MYH3: variants seen among roughly 807,000 people sequenced by gnomAD.
MYH3 encodes the protein myosin heavy chain 3.
MYH3 carries 130 observed loss-of-function variants against 238.0 expected under a neutral mutation model. The ratio of observed to expected loss-of-function variants is 0.55; its 90% CI spans 0.47 to 0.63. The LOEUF (loss-of-function observed/expected upper bound fraction) is 0.63, where lower values mean the gene tolerates loss of function less well. Among genes scored for constraint, MYH3 ranks in the 30% least tolerant of loss-of-function variants. MYH3 has a pLI of 0.00. For missense variants in MYH3, 1,853 were observed against 2,374.9 expected (o/e 0.78, Z 4.57); for synonymous variants, 880 against 924.1 (o/e 0.95, Z 0.86).
chr17:10,635,337 GTTC>G (rs1220743898), intron 30 of MYH3, 27 bp downstream of exon 30: 1 of 1,613,968 alleles, frequency 6.2e-7, no homozygotes, highest in East Asian at 2.2e-5. Context: ...TTCCTAAGTA[GTTC>G]TTCTAAAAGC....
intron 8 of MYH3, among the ~76,000 whole-genome samples, chr17:10,648,072 G>A (rs1043623607): frequency 1.3e-5 from 2 of 152,072 alleles, no homozygotes; most frequent in African/African-American, 4.8e-5. Context: ...ACTTCAAAAG[G>A]AATCCAAACT....
chr17:10,645,032 T>C (rs1017562998), intron 12 of MYH3, among the ~76,000 whole-genome samples: 2 of 133,164 alleles, frequency 1.5e-5, no homozygotes, highest in Non-Finnish European at 3.3e-5. Context: ...GAAGGATTAA[T>C]CGCTTCCATC....
At chr17:10,643,030 T>C in intron 14 of MYH3, 34 bp from the exon 15 acceptor site, 2 of 1,614,092 alleles carry the variant, frequency 1.2e-6, no homozygotes, top group South Asian at 1.1e-5. Context: ...TGTGAAAAGT[T>C]AGACTTCTTT....
chr17:10,668,409 A>G, the MYH3 span, among the ~76,000 whole-genome samples: 1 of 152,222 alleles, frequency 6.6e-6, no homozygotes, highest in African/African-American at 2.4e-5. Flanking sequence ...CTACCTACCT[A>G]TCTTTCTATC....
the MYH3 span, among the ~76,000 whole-genome samples, chr17:10,670,966 T>G: frequency 6.6e-6 from 1 of 152,154 alleles, no homozygotes; most frequent in Non-Finnish European, 1.5e-5. This position sits in a 1 kb window ranked among gnomAD's most constrained non-coding sequence, Gnocchi z 7.0. Flanking sequence ...CTTGGCTCAC[T>G]GCAACCTCCA....
At position 10,654,914 on chromosome 17, in the gene MYH3, T is replaced by C. The variant is rs779493094; in HGVS notation, c.151A>G (p.Lys51Glu). The change falls in exon 3 of 41, where the codon AAA becomes GAA. Residue 51 changes from lysine to glutamate, a missense_variant. This residue lies in a region of MYH3 where 131 missense variants were observed against 123.5 expected (regional missense o/e 1.06). Coordinates refer to ENST00000583535, the MANE Select transcript of MYH3 (RefSeq NM_002470.4). The surrounding 1 kb of genome is among the most constrained non-coding windows in gnomAD (Gnocchi z 4.5). ...VDSKEEYAKG[K>E]IKSSQDGKVT... ...TTCCCATCCTGAGAACTCTTGATTT[T>C]CCCCTTGGCATATTCTTCCTTTGAG... The C allele has an allele frequency of 6.2e-7, 1 of 1,614,058 alleles. No homozygotes were observed. The highest frequency in any genetic ancestry group is 1.7e-5 in the Admixed American group (1 of 60,000).
rs547742308 is a variant in MYH3 at position 10,642,074 on chromosome 17, T to G, written c.1959+166A>C. On this transcript the variant is annotated intron_variant, in intron 17 of 40. Coordinates refer to ENST00000583535, the MANE Select transcript of MYH3 (RefSeq NM_002470.4). This position sits in a 1 kb window ranked among gnomAD's most constrained non-coding sequence, Gnocchi z 5.4. ...AGTGATACTCTCATCGCACATTGGTTAGACCGTATTTATTATATTTTATCA... is the reference window on the plus strand; with the variant it reads ...AGTGATACTCTCATCGCACATTGGTGAGACCGTATTTATTATATTTTATCA... Among the ~76,000 whole-genome samples the G allele has an allele frequency of 6.6e-6, 1 of 151,156 alleles. No homozygotes were observed. The highest frequency in any genetic ancestry group is 1.9e-4 in the East Asian group (1 of 5,130).
At chr17:10,637,657 CTCTT>C (rs954736918) in intron 28 of MYH3, 148 bp downstream of exon 28, 247 of 1,083,698 alleles carry the variant, frequency 2.3e-4, no homozygotes, top group Non-Finnish European at 3.1e-4. Flanking sequence ...TTTCAAATGG[CTCTT>C]TCTATGAGTT....
rs534042930 is a variant in MYH3 at position 10,628,598 on chromosome 17, G to A, written c.*55C>T. On this transcript the variant is annotated 3_prime_UTR_variant, in exon 41 of 41. Transcript: ENST00000583535. ...ATGGACATTAAGTATCAATGGTCAG[G>A]AATCAAGAAAATATACATTTTGCAT... The A allele has an allele frequency of 6.3e-7, 1 of 1,589,776 alleles. No homozygotes were observed. The highest frequency in any genetic ancestry group is 1.1e-5 in the South Asian group (1 of 90,604).
In MYH3 at chr17:10,648,801, G is replaced by C. The variant is rs370192181; in HGVS notation, c.643-152C>G. 79 of 689,736 alleles carry C rather than the reference G, an allele frequency of 1.1e-4. 2 individuals are homozygous for C. The highest frequency in any genetic ancestry group is 9.9e-4 in the East Asian group (35 of 35,486). 42.7% of individuals were successfully genotyped at this position (689,736 alleles called of 1,614,324 possible). Reference sequence around the variant, plus strand: ...TGTGATTCTCCTGCCTCAGCCTCCCGAGTACCTGGGACTACAGGCATGCAC... The same window carrying C: ...TGTGATTCTCCTGCCTCAGCCTCCCCAGTACCTGGGACTACAGGCATGCAC... On this transcript the variant is annotated intron_variant, in intron 7 of 40. Coordinates refer to ENST00000583535, the MANE Select transcript of MYH3 (RefSeq NM_002470.4).
At chr17:10,666,969 A>G in the MYH3 span, among the ~76,000 whole-genome samples, 1 of 152,006 alleles carries the variant, frequency 6.6e-6, no homozygotes, top group African/African-American at 2.4e-5. Flanking sequence ...GGCTTTAAAC[A>G]TATGAAAAAT....
In MYH3 at chr17:10,640,396, C is replaced by T. The variant is rs747794027; in HGVS notation, c.2363G>A (p.Arg788Gln). 31 of 1,614,066 alleles carry T rather than the reference C, an allele frequency of 1.9e-5. No individual in the cohort carries two copies. The highest frequency in any genetic ancestry group is 1.6e-4 in the Middle Eastern group (1 of 6,084). ...RDDRLAKLIT[R>Q]TQAVCRGFLM... ...GAACCCTCTGCACACAGCTTGTGTCCGGGTGATTAGTTTGGCCAGGCGGTC... is the reference window on the plus strand; with the variant it reads ...GAACCCTCTGCACACAGCTTGTGTCTGGGTGATTAGTTTGGCCAGGCGGTC... The change falls in exon 21 of 41, where the codon CGG becomes CAG. Residue 788 changes from arginine (R) to glutamine (Q), a missense_variant. This residue lies in a region of MYH3 where 678 missense variants were observed against 1,058.9 expected (regional missense o/e 0.64). Transcript: ENST00000583535.
In MYH3 at chr17:10,649,609, C is replaced by A; in HGVS notation, c.610G>T (p.Asp204Tyr). The part of the protein sequence containing the change: ...QYFATIAATG[D>Y]LAKKKDSKMK... ...TTGGAGTCCTTCTTCTTGGCCAGGTCCCCAGTAGCTGCAATTGTTGCAAAG... is the reference window on the plus strand; with the variant it reads ...TTGGAGTCCTTCTTCTTGGCCAGGTACCCAGTAGCTGCAATTGTTGCAAAG... Residue 204 changes from aspartate (D) to tyrosine (Y), a missense_variant, in exon 7 of 41, where the codon GAC becomes TAC. Physicochemically the swap from Asp to Tyr is radical, Grantham distance 160 (BLOSUM62 -3). Around this residue, in one of 3 missense-constraint regions of MYH3, gnomAD observed 678 missense variants for 1,058.9 expected, o/e 0.64. Coordinates refer to ENST00000583535, the MANE Select transcript of MYH3 (RefSeq NM_002470.4). The A allele has an allele frequency of 6.2e-7, 1 of 1,614,242 alleles. No individual in the cohort carries two copies. Among genetic ancestry groups the A allele is most frequent in the South Asian group, 1.1e-5 (1 of 91,090 alleles).
intron 33 of MYH3, 32 bp downstream of exon 33, chr17:10,633,559 A>G: frequency 6.2e-7 from 1 of 1,610,850 alleles, no homozygotes; most frequent in Non-Finnish European, 8.5e-7. Flanking sequence ...CCATGGCTGC[A>G]TCTGCGCCTG....
At chr17:10,675,587 T>A in the MYH3 span, 2 of 152,198 alleles carry the variant, frequency 1.3e-5, no homozygotes. Context: ...CTCTGGAAGC[T>A]CTCCTGGCAC....
In MYH3 at chr17:10,641,173, G is replaced by A. The variant is rs1301510769; in HGVS notation, c.2077C>T (p.Gln693Ter). Reference sequence around the variant, plus strand: ...TCCAGGACACCGTTACACCGCAGCTGGTGCAGAACAAGGCTGTGTTCCATA... The same window carrying A: ...TCCAGGACACCGTTACACCGCAGCTAGTGCAGAACAAGGCTGTGTTCCATA... ...GAMEHSLVLH[Q>*]LRCNGVLEGI... is the part of the protein sequence containing the mutation. Residue 693 changes from glutamine to a stop codon, truncating the protein, a stop_gained, in exon 19 of 41, where the codon CAG becomes TAG. Transcript: ENST00000583535. LOFTEE classifies it high-confidence loss of function. 2 of 1,614,142 alleles carry A rather than the reference G, an allele frequency of 1.2e-6. No individual in the cohort carries two copies. The highest frequency in any genetic ancestry group is 1.1e-5 in the South Asian group (1 of 91,084).
chr17:10,651,701 G>T (rs777401240), intron 4 of MYH3, 33 bp from the exon 5 acceptor site: 41 of 1,602,558 alleles, frequency 2.6e-5, no homozygotes, highest in Non-Finnish European at 3.4e-5. Context: ...GTGCGTATAT[G>T]TATGTATGTG....
the MYH3 span, among the ~76,000 whole-genome samples, chr17:10,670,054 C>T: frequency 5.3e-5 from 8 of 152,156 alleles, no homozygotes; most frequent in African/African-American, 1.9e-4. The surrounding 1 kb of genome is among the most constrained non-coding windows in gnomAD (Gnocchi z 7.0). Context: ...GGTGGGGAGG[C>T]AGAGGCAGCT....
rs1166629134 is a variant in MYH3, at chr17:10,649,553, C to T, written c.642+24G>A. On this transcript the variant is annotated intron_variant, in intron 7 of 40. Coordinates refer to ENST00000583535, the MANE Select transcript of MYH3 (RefSeq NM_002470.4). ...ACCACAGTTAAAAGTGGAAGCAAAG[C>T]AAGCCTTCCTCTCCCATCTATACCT... 5 of 1,585,208 alleles carry T rather than the reference C, an allele frequency of 3.2e-6. No individual in the cohort carries two copies. In the African/African-American group the frequency reaches 6.7e-5, roughly 21 times the overall value.
Sources: gnomAD v4.1 joint callset for allele counts (sites outside exome capture counted in the v4.1 genomes callset) on GRCh38, gnomAD v4.1.1 for gene constraint, gnomAD v4.1.1 regional missense constraint, Gnocchi (gnomAD v3.1) non-coding constraint, MANE v1.5 for transcripts, NCBI Gene and HGNC (gene_info 2026-07-23, HGNC 2026-07-21) for gene names.